AFG1L: variants seen among roughly 807,000 people sequenced by gnomAD.
AFG1L encodes AFG1-like ATPase.
In AFG1L, 53 loss-of-function variants were observed where a neutral mutation model predicts 62.2. The observed-to-expected ratio is 0.85, with a 90% CI of 0.68 to 1.07. AFG1L has a LOEUF of 1.07. Ranked by LOEUF, AFG1L falls within the 50% of genes least tolerant of loss-of-function variation. The probability of loss-of-function intolerance (pLI) is 0.00; values close to 1 mark genes in which losing one functional copy is unlikely to be tolerated. For missense variants in AFG1L, 555 were observed against 590.5 expected (o/e 0.94, Z 0.62); for synonymous variants, 228 against 210.3 (o/e 1.08, Z -0.73).
At chr6:108,309,907 A>G (rs1450467598) in intron 1 of AFG1L, among the ~76,000 whole-genome samples, 1 of 152,194 alleles carries the variant, frequency 6.6e-6, no homozygotes, top group African/African-American at 2.4e-5. Flanking sequence ...GCAAGACAAC[A>G]CTTTAGCCTG....
chr6:108,487,909 T>G (rs553679525), intron 10 of AFG1L, among the ~76,000 whole-genome samples: 4 of 152,314 alleles, frequency 2.6e-5, no homozygotes, highest in African/African-American at 9.6e-5. Context: ...GTCTTCTTAC[T>G]GTAATCCAGA....
rs1775288667 is a variant in AFG1L, at chr6:108,525,467, C to G, written c.*3042C>G. The G allele has an allele frequency of 6.6e-6, 1 of 151,960 alleles. No homozygotes were observed. The highest frequency in any genetic ancestry group is 6.6e-5 in the Admixed American group (1 of 15,266). 9.4% of individuals were successfully genotyped at this position (151,960 alleles called of 1,614,324 possible). On this transcript the variant is annotated 3_prime_UTR_variant, in exon 13 of 13. Coordinates refer to ENST00000368977, the MANE Select transcript of AFG1L (RefSeq NM_145315.5). Reference sequence around the variant, plus strand: ...CTTTTATCTTCTTAAAGTATATTTCCTGTACTTATAAGTGTGCAAATGACA... The same window carrying G: ...CTTTTATCTTCTTAAAGTATATTTCGTGTACTTATAAGTGTGCAAATGACA...
intron 7 of AFG1L, among the ~76,000 whole-genome samples, chr6:108,413,101 A>C (rs1044336548): frequency 6.6e-6 from 1 of 152,182 alleles, no homozygotes. Context: ...ACAAAAAAAA[A>C]GCAGGGGTTG....
intron 11 of AFG1L, among the ~76,000 whole-genome samples, chr6:108,516,628 C>T (rs1774905935): frequency 6.6e-6 from 1 of 152,178 alleles, no homozygotes; most frequent in African/African-American, 2.4e-5. Context: ...TCCTATTCAA[C>T]ATAGTGTTGG....
chr6:108,495,679 G>A (rs1464586703), intron 10 of AFG1L, among the ~76,000 whole-genome samples: 4 of 152,174 alleles, frequency 2.6e-5, no homozygotes, highest in African/African-American at 7.2e-5. Context: ...GAGAAACTGG[G>A]CTACATATAA....
intron 8 of AFG1L, among the ~76,000 whole-genome samples, chr6:108,459,676 T>C (rs1392577860): frequency 2.0e-5 from 3 of 152,214 alleles, no homozygotes; most frequent in Non-Finnish European, 4.4e-5. Context: ...AAAAGTTTTC[T>C]AGGTAGCAAT....
At chr6:108,480,627 G>A (rs546370733) in intron 10 of AFG1L, among the ~76,000 whole-genome samples, 147 of 152,086 alleles carry the variant, frequency 9.7e-4, no homozygotes, top group African/African-American at 3.5e-3. Flanking sequence ...GCAAAACCCC[G>A]TCTCTACTAA....
intron 6 of AFG1L, among the ~76,000 whole-genome samples, chr6:108,373,449 C>G (rs1019882260): frequency 6.6e-6 from 1 of 152,048 alleles, no homozygotes; most frequent in Non-Finnish European, 1.5e-5. Flanking sequence ...TAATGGGTAC[C>G]TGGGTTGATG....
chr6:108,388,387 T>C (rs959640539), intron 6 of AFG1L, among the ~76,000 whole-genome samples: 4 of 151,914 alleles, frequency 2.6e-5, no homozygotes, highest in African/African-American at 9.7e-5. Context: ...TCAGTTCTGC[T>C]CTGATTTTAG....
At chr6:108,463,071 A>G (rs1048777659) in intron 8 of AFG1L, among the ~76,000 whole-genome samples, 2 of 152,098 alleles carry the variant, frequency 1.3e-5, no homozygotes, top group Middle Eastern at 3.4e-3. Flanking sequence ...GGGTGGATCA[A>G]TTGAGGTCAG....
intron 8 of AFG1L, among the ~76,000 whole-genome samples, chr6:108,449,349 A>G (rs564728714): frequency 1.3e-5 from 2 of 152,102 alleles, no homozygotes; most frequent in Admixed American, 6.5e-5. Context: ...ACCATAGTCA[A>G]GAATAGAAAG....
intron 2 of AFG1L, among the ~76,000 whole-genome samples, chr6:108,339,680 G>A (rs1778608622): frequency 6.6e-6 from 1 of 151,882 alleles, no homozygotes; most frequent in East Asian, 1.9e-4. Context: ...GGCTGGTTTC[G>A]AACTCCTGAC....
intron 6 of AFG1L, among the ~76,000 whole-genome samples, chr6:108,379,932 T>C (rs1422162397): frequency 6.6e-6 from 1 of 151,354 alleles, no homozygotes; most frequent in African/African-American, 2.4e-5. Flanking sequence ...CATACCAGAC[T>C]CTCTGCACAG....
intron 7 of AFG1L, among the ~76,000 whole-genome samples, chr6:108,427,398 A>G (rs1770865980): frequency 6.6e-6 from 1 of 151,954 alleles, no homozygotes; most frequent in Non-Finnish European, 1.5e-5. Flanking sequence ...CTATTTTTGT[A>G]TACTTAGGTT....
intron 10 of AFG1L, among the ~76,000 whole-genome samples, chr6:108,496,916 T>G (rs1230895169): frequency 6.6e-6 from 1 of 152,244 alleles, no homozygotes; most frequent in African/African-American, 2.4e-5. Flanking sequence ...TGTTTCCATA[T>G]CATAAAATAT....
chr6:108,510,374 T>G (rs1404807558), intron 11 of AFG1L, 22 bp downstream of exon 11: 1 of 1,581,958 alleles, frequency 6.3e-7, no homozygotes, highest in Admixed American at 1.8e-5. Context: ...GTACATTTTC[T>G]TAAAACTAAA....
At chr6:108,470,776 C>T (rs1772853875) in intron 8 of AFG1L, among the ~76,000 whole-genome samples, 1 of 152,134 alleles carries the variant, frequency 6.6e-6, no homozygotes. Flanking sequence ...TTAGTACTTT[C>T]ATTAAATATT....
intron 8 of AFG1L, among the ~76,000 whole-genome samples, chr6:108,471,475 T>C (rs1045078754): frequency 2.7e-5 from 4 of 145,694 alleles, no homozygotes; most frequent in Admixed American, 6.8e-5. Context: ...CTTCTTTTTT[T>C]TTTTTTTTTT....
At chr6:108,367,727 G>C (rs944117602) in intron 6 of AFG1L, among the ~76,000 whole-genome samples, 4 of 152,168 alleles carry the variant, frequency 2.6e-5, no homozygotes, top group African/African-American at 9.7e-5. Context: ...ATATACATTT[G>C]GAAGTTATCA....
Sources: allele counts gnomAD v4.1 joint callset (sites outside exome capture counted in the v4.1 genomes callset), GRCh38; gene constraint gnomAD v4.1.1; transcripts MANE v1.5; gene names NCBI Gene and HGNC (gene_info 2026-07-23, HGNC 2026-07-21).